ENTPD5: variants seen among roughly 807,000 people sequenced by gnomAD.
ENTPD5 encodes ectonucleoside triphosphate diphosphohydrolase 5 (inactive), also known as nucleoside diphosphate phosphatase ENTPD5.
ENTPD5 carries 49 observed loss-of-function variants against 60.2 expected under a neutral mutation model. That is an observed-to-expected ratio of 0.81 (90% confidence interval 0.65 to 1.03). ENTPD5 has a LOEUF of 1.03. Ranked by LOEUF, ENTPD5 falls within the 50% of genes least tolerant of loss-of-function variation. The probability of loss-of-function intolerance (pLI) is 0.00; values close to 1 mark genes in which losing one functional copy is unlikely to be tolerated. For missense variants in ENTPD5, 480 were observed against 507.6 expected (o/e 0.95, Z 0.52); for synonymous variants, 187 against 185.4 (o/e 1.01, Z -0.07).
At chr14:73,967,385 T>G (rs546844317) in intron 15 of ENTPD5, among the ~76,000 whole-genome samples, 2 of 152,238 alleles carry the variant, frequency 1.3e-5, no homozygotes, top group Non-Finnish European at 2.9e-5. Context: ...AGGCAACTTG[T>G]AATGATAATA....
rs1195475847 is a variant in ENTPD5 at position 73,964,433 on chromosome 14, A to C, written c.*2495T>G. On this transcript the variant is annotated 3_prime_UTR_variant, in exon 16 of 16. Coordinates refer to ENST00000334696, the MANE Select transcript of ENTPD5 (RefSeq NM_001249.5). ...GGTTACTTCTCCAGAAGGTCTAATC[A>C]AGGTTAACAAAATAGGTAAGTTCGT... 6.6e-6 allele frequency: 1 copy of C among 152,194 alleles called. No individual in the cohort carries two copies. The highest frequency in any genetic ancestry group is 6.5e-5 in the Admixed American group (1 of 15,280). 9.4% of individuals were successfully genotyped at this position (152,194 alleles called of 1,614,324 possible). A position where few individuals can be genotyped will look rare whatever the true frequency, so the allele number is the denominator to read the frequency against.
intron 3 of ENTPD5, chr14:74,007,812 C>A (rs571956669): frequency 2.0e-5 from 3 of 149,420 alleles, no homozygotes; most frequent in East Asian, 4.0e-4. Context: ...CAGAGTGAGA[C>A]CTTGTGTTGA....
intron 3 of ENTPD5, among the ~76,000 whole-genome samples, chr14:74,004,103 T>C (rs929121561): frequency 1.3e-5 from 2 of 152,136 alleles, no homozygotes; most frequent in African/African-American, 2.4e-5. Context: ...AGACCCTGTC[T>C]CAAAAAATAA....
chr14:73,957,674 C>T (rs2056506410), downstream of ENTPD5, among the ~76,000 whole-genome samples: 1 of 152,184 alleles, frequency 6.6e-6, no homozygotes, highest in South Asian at 2.1e-4. Context: ...AAGTGATCCT[C>T]CTGCCTCAGC....
intron 3 of ENTPD5, among the ~76,000 whole-genome samples, chr14:74,004,261 G>C (rs1207064120): frequency 6.6e-6 from 1 of 152,026 alleles, no homozygotes; most frequent in African/African-American, 2.4e-5. Flanking sequence ...TCTGCCTCCT[G>C]GGTTCAAGTG....
intron 3 of ENTPD5, among the ~76,000 whole-genome samples, chr14:73,998,431 T>A (rs554951829): frequency 4.6e-5 from 7 of 152,272 alleles, no homozygotes; most frequent in African/African-American, 1.7e-4. Context: ...TGTCTTCATT[T>A]CTGCGTTTGT....
downstream of ENTPD5, chr14:73,960,097 T>C (rs1175513271): frequency 1.4e-5 from 14 of 1,000,736 alleles, no homozygotes; most frequent in African/African-American, 8.7e-5. Flanking sequence ...GCTGTAACAC[T>C]TGGATTATTT....
At chr14:73,959,508 G>A (rs201706177), downstream of ENTPD5, 76 of 1,614,006 alleles carry the variant, frequency 4.7e-5, no homozygotes, top group Admixed American at 8.3e-5. Context: ...TGTGGATGCC[G>A]TTAACTCTGC....
intron 3 of ENTPD5, among the ~76,000 whole-genome samples, chr14:73,999,407 G>C (rs1337545816): frequency 1.2e-4 from 19 of 152,052 alleles, no homozygotes; most frequent in Admixed American, 1.2e-3. Context: ...AGAATTGCTT[G>C]AACTCAGGAC....
intron 3 of ENTPD5, among the ~76,000 whole-genome samples, chr14:74,003,770 T>C (rs1245658971): frequency 6.7e-6 from 1 of 150,150 alleles, no homozygotes; most frequent in Non-Finnish European, 1.5e-5. Context: ...CTGTCTTAGC[T>C]GAAGAATCAA....
intron 3 of ENTPD5, among the ~76,000 whole-genome samples, chr14:74,000,871 A>C (rs1162861628): frequency 6.6e-6 from 1 of 152,166 alleles, no homozygotes; most frequent in Admixed American, 6.5e-5. Context: ...ATGTGTATAA[A>C]GACCAGAGAG....
intron 3 of ENTPD5, among the ~76,000 whole-genome samples, chr14:74,009,743 G>C (rs573537451): frequency 1.2e-4 from 18 of 152,276 alleles, no homozygotes; most frequent in African/African-American, 4.1e-4. Context: ...CCAGAGGGCT[G>C]GGACTTCAGG....
At chr14:73,969,549 A>G (rs1452748463) in intron 15 of ENTPD5, among the ~76,000 whole-genome samples, 1 of 151,958 alleles carries the variant, frequency 6.6e-6, no homozygotes, top group Admixed American at 6.6e-5. Flanking sequence ...TAAAAATACA[A>G]AAAAATTAGC....
intron 6 of ENTPD5, among the ~76,000 whole-genome samples, chr14:73,978,402 G>A (rs1049353960): frequency 6.6e-6 from 1 of 151,926 alleles, no homozygotes; most frequent in Non-Finnish European, 1.5e-5. Flanking sequence ...TCAGGAGTTC[G>A]AGACCGGCCT....
chr14:73,998,802 T>C (rs530601658), intron 3 of ENTPD5, among the ~76,000 whole-genome samples: 1 of 152,162 alleles, frequency 6.6e-6, no homozygotes, highest in East Asian at 1.9e-4. Context: ...GGAAAAGGGA[T>C]GGGGGCCCCT....
downstream of ENTPD5, chr14:73,958,990 A>G (rs1319178278): frequency 3.7e-6 from 6 of 1,613,816 alleles, no homozygotes; most frequent in Non-Finnish European, 4.2e-6. Flanking sequence ...GATGGTCACA[A>G]CTCCGGAGTA....
downstream of ENTPD5, chr14:73,959,076 G>C (rs1279452916): frequency 1.2e-6 from 2 of 1,614,082 alleles, no homozygotes; most frequent in African/African-American, 2.7e-5. Flanking sequence ...GCATTTATCA[G>C]AGGTAAGATC....
Position 73,988,111 on chromosome 14 carries a change from CA to C in ENTPD5, c.-10del, listed in dbSNP as rs2057980486. ...CCCCAAGAAGTGGCCATTCTTTTCCCAAGATGTGGCTGGGTGGAGGCTTTTG... is the reference window on the plus strand; with the variant it reads ...CCCCAAGAAGTGGCCATTCTTTTCCCAGATGTGGCTGGGTGGAGGCTTTTG... On this transcript the variant is annotated 5_prime_UTR_variant, in exon 4 of 16. Transcript: ENST00000334696. 6.2e-7 allele frequency: 1 copy of C among 1,603,768 alleles called. No homozygotes were observed. The highest frequency in any genetic ancestry group is 8.5e-7 in the Non-Finnish European group (1 of 1,175,496).
intron 15 of ENTPD5, among the ~76,000 whole-genome samples, chr14:73,967,534 C>T (rs898130167): frequency 3.3e-5 from 5 of 152,168 alleles, no homozygotes; most frequent in African/African-American, 1.2e-4. Flanking sequence ...GGGCCAGGCG[C>T]AGTGGCTCAT....
Sources: allele counts gnomAD v4.1 joint callset (sites outside exome capture counted in the v4.1 genomes callset), GRCh38; gene constraint gnomAD v4.1.1; transcripts MANE v1.5; gene names NCBI Gene and HGNC (gene_info 2026-07-23, HGNC 2026-07-21).